BCR: variants seen among roughly 807,000 people sequenced by gnomAD.
BCR encodes breakpoint cluster region protein.
BCR carries 58 observed loss-of-function variants against 138.6 expected under a neutral mutation model. The observed-to-expected ratio is 0.42, with a 90% CI of 0.34 to 0.52. BCR has a LOEUF of 0.52. BCR is among the 20% of genes least tolerant of loss of function. BCR has a pLI of 0.06. For missense variants in BCR, 1,599 were observed against 1,727.2 expected (o/e 0.93, Z 1.32); for synonymous variants, 786 against 730.1 (o/e 1.08, Z -1.23).
At chr22:23,272,997 C>A in intron 6 of BCR, 84 bp from the exon 7 acceptor site, 1 of 1,472,026 alleles carries the variant, frequency 6.8e-7, no homozygotes, top group South Asian at 1.1e-5. Flanking sequence ...GCCCCCTCCC[C>A]ACTCACCCTT....
At chr22:23,249,033 C>T (rs1397048241) in intron 1 of BCR, among the ~76,000 whole-genome samples, 3 of 152,218 alleles carry the variant, frequency 2.0e-5, no homozygotes, top group Non-Finnish European at 4.4e-5. Flanking sequence ...AGCCTATAAT[C>T]CCAGCACTTT....
At chr22:23,225,756 C>T (rs2072884024) in intron 1 of BCR, among the ~76,000 whole-genome samples, 1 of 152,214 alleles carries the variant, frequency 6.6e-6, no homozygotes, top group South Asian at 2.1e-4. Context: ...CCCAGCTCTT[C>T]TGTCATTGGA....
intron 4 of BCR, chr22:23,263,192 C>T (rs2073390614): frequency 2.2e-6 from 2 of 893,636 alleles, no homozygotes; most frequent in South Asian, 1.7e-5. Context: ...CAGCCGCCTG[C>T]CCGGCTGCGG....
At chr22:23,231,812 C>A (rs370520853) in intron 1 of BCR, among the ~76,000 whole-genome samples, 2 of 152,190 alleles carry the variant, frequency 1.3e-5, no homozygotes, top group African/African-American at 4.8e-5. Context: ...CTTTATGCCC[C>A]GTTTTTAGTG....
At position 23,182,179 on chromosome 22, in the gene BCR, G is replaced by A. The variant is rs766073647; in HGVS notation, c.1219G>A (p.Val407Ile). Residue 407 changes from valine to isoleucine, a missense_variant, in exon 1 of 23, where the codon GTC becomes ATC. Transcript: ENST00000305877. ...VVVSEATIVGVRKTGQIWPND... is the reference protein window; with the variant it reads ...VVVSEATIVGIRKTGQIWPND... The stretch of plus-strand genomic sequence containing the variant: ...CGTGTCCGAGGCCACCATCGTGGGC[G>A]TCCGCAAGACCGGGCAGATCTGGCC... The A allele has an allele frequency of 1.6e-5, 26 of 1,602,456 alleles. No homozygotes were observed. The South Asian group carries it at 2.5e-4, about 16-fold the overall frequency.
intron 8 of BCR, among the ~76,000 whole-genome samples, chr22:23,276,491 G>A (rs1231709637): frequency 6.6e-6 from 1 of 152,188 alleles, no homozygotes; most frequent in African/African-American, 2.4e-5. Context: ...CTGGTGGAGG[G>A]GCACTTGCTC....
intron 8 of BCR, chr22:23,283,091 C>T (rs1170446015): frequency 1.3e-5 from 2 of 152,260 alleles, no homozygotes; most frequent in African/African-American, 4.8e-5. Flanking sequence ...ACAGCCTCTC[C>T]TCCTGTCCCT....
chr22:23,315,499 A>T lies in BCR; in HGVS notation c.3793A>T (p.Ile1265Phe). ...IPAPDSKRQS[I>F]LFSTEV ...TGCCCCGGACAGCAAGAGACAGAGC[A>T]TCCTGTTCTCCACCGAAGTCTAAAG... The change falls in exon 23 of 23, where the codon ATC (isoleucine) becomes TTC (phenylalanine). Residue 1265 changes from isoleucine to phenylalanine, a missense_variant. Transcript: ENST00000305877. 6.2e-7 allele frequency: 1 copy of T among 1,612,534 alleles called. No homozygotes were observed. The highest frequency in any genetic ancestry group is 8.5e-7 in the Non-Finnish European group (1 of 1,179,980).
chr22:23,271,104 C>T (rs548949703), intron 5 of BCR, among the ~76,000 whole-genome samples: 1 of 152,336 alleles, frequency 6.6e-6, no homozygotes, highest in Non-Finnish European at 1.5e-5. Flanking sequence ...TTTACAGGAT[C>T]CTCTGTGTCA....
chr22:23,278,556 G>T (rs888759237), intron 8 of BCR, among the ~76,000 whole-genome samples: 1 of 152,088 alleles, frequency 6.6e-6, no homozygotes, highest in Non-Finnish European at 1.5e-5. Context: ...GTGAAACCCC[G>T]TCTCCACTAA....
chr22:23,263,449 G>A (rs2073397165), intron 4 of BCR: 5 of 1,406,690 alleles, frequency 3.6e-6, no homozygotes, highest in African/African-American at 1.4e-5. Flanking sequence ...TGCCGAGAGG[G>A]GATTCTGCTG....
intron 1 of BCR, chr22:23,217,099 A>G (rs1047651423): frequency 4.6e-6 from 2 of 435,456 alleles, no homozygotes; most frequent in Admixed American, 2.5e-5. Flanking sequence ...CCACCACAGG[A>G]TTTTAGTTAC....
chr22:23,255,671 G>A (rs897958128), intron 2 of BCR, among the ~76,000 whole-genome samples: 3 of 152,136 alleles, frequency 2.0e-5, no homozygotes, highest in African/African-American at 4.8e-5. Context: ...GTCCCTGTCC[G>A]GGGGTGGGGG....
In BCR at chr22:23,181,163, A is replaced by C; in HGVS notation, c.203A>C (p.Lys68Thr). Residue 68 changes from lysine (K) to threonine (T), a missense_variant, in exon 1 of 23, where the codon AAG becomes ACG. Coordinates refer to ENST00000305877, the MANE Select transcript of BCR (RefSeq NM_004327.4). Reference protein sequence around the residue: ...YLQTLLAKEKKSYDRQRWGFR... With the variant: ...YLQTLLAKEKTSYDRQRWGFR... Reference sequence around the variant, plus strand: ...CAGACGTTGCTGGCCAAGGAAAAGAAGAGCTATGACCGGCAGCGATGGGGC... The same window carrying C: ...CAGACGTTGCTGGCCAAGGAAAAGACGAGCTATGACCGGCAGCGATGGGGC... The C allele has an allele frequency of 6.9e-7, 1 of 1,439,066 alleles. No individual in the cohort carries two copies. 89.1% of individuals were successfully genotyped at this position (1,439,066 alleles called of 1,614,324 possible). A position where few individuals can be genotyped will look rare whatever the true frequency, so the allele number is the denominator to read the frequency against.
chr22:23,181,161 G>A lies in BCR; in HGVS notation c.201G>A (p.Lys67=), dbSNP rs960158069. 6.9e-7 allele frequency: 1 copy of A among 1,439,480 alleles called. No individual in the cohort carries two copies. The allele number at this position is 1,439,480 out of a possible 1,614,324, so 89.2% of individuals were successfully genotyped here. ...IYLQTLLAKE[K]KSYDRQRWGF... is the part of the protein sequence containing the mutation. ...TGCAGACGTTGCTGGCCAAGGAAAA[G>A]AAGAGCTATGACCGGCAGCGATGGG... The change falls in exon 1 of 23, where the codon AAG becomes AAA. Residue 67 remains lysine (K), a synonymous_variant. Coordinates refer to ENST00000305877, the MANE Select transcript of BCR (RefSeq NM_004327.4).
Position 23,314,026 on chromosome 22 carries a change from G to A in BCR, c.3516G>A (p.Pro1172=), listed in dbSNP as rs573061028. 35 of 1,613,886 alleles carry A rather than the reference G, an allele frequency of 2.2e-5. No homozygotes were observed. The highest frequency in any genetic ancestry group is 3.3e-5 in the South Asian group (3 of 91,074). ...TGCTCAACCTGCTGCTGTCCCTGCC[G>A]GAGGCCAACCTGCTCACCTTCCTTT... ...SCMLNLLLSL[P]EANLLTFLFL... Residue 1172 remains proline (P), a synonymous_variant, in exon 21 of 23, where the codon CCG becomes CCA. Transcript: ENST00000305877.
At chr22:23,289,176 T>C (rs1011603864) in intron 12 of BCR, among the ~76,000 whole-genome samples, 2 of 152,234 alleles carry the variant, frequency 1.3e-5, no homozygotes, top group African/African-American at 4.8e-5. Flanking sequence ...GGCAGAGCCA[T>C]GCTGCTGTCT....
At chr22:23,187,297 T>C (rs992080685) in intron 1 of BCR, among the ~76,000 whole-genome samples, 26 of 123,338 alleles carry the variant, frequency 2.1e-4, no homozygotes, top group East Asian at 6.6e-4. Flanking sequence ...TTTTTTTTTT[T>C]CACAGTTCTC....
At chr22:23,268,635 A>G in intron 5 of BCR, 120 bp downstream of exon 5, 2 of 912,346 alleles carry the variant, frequency 2.2e-6, no homozygotes, top group South Asian at 1.5e-5. Flanking sequence ...CTGTTTCCAG[A>G]TTCTGTTGGG....
Sources: allele counts gnomAD v4.1 joint callset (sites outside exome capture counted in the v4.1 genomes callset), GRCh38; gene constraint gnomAD v4.1.1; transcripts MANE v1.5; gene names NCBI Gene and HGNC (gene_info 2026-07-23, HGNC 2026-07-21).